Variants in CD38 observed in about 807,000 individuals in gnomAD.
The protein encoded by CD38 is CD38 molecule.
CD38 carries 31 observed loss-of-function variants against 36.3 expected under a neutral mutation model. That is an observed-to-expected ratio of 0.85 (90% CI 0.64 to 1.15). CD38 has a LOEUF of 1.15. CD38 is among the 50% of genes most tolerant of loss of function. The probability of loss-of-function intolerance (pLI) is 0.00; values close to 1 mark genes in which losing one functional copy is unlikely to be tolerated. For missense variants in CD38, 380 were observed against 371.9 expected, an observed-to-expected ratio of 1.02 and a Z score of -0.18; for synonymous variants, 131 against 135.2, an observed-to-expected ratio of 0.97 and a Z score of 0.22.
intron 1 of CD38, among the ~76,000 whole-genome samples, chr4:15,786,992 A>G (rs1042143306): frequency 3.3e-5 from 5 of 152,176 alleles, no homozygotes; most frequent in Non-Finnish European, 5.9e-5. Context: ...TAAGCCCTTC[A>G]CTGTCCGGGG....
intron 3 of CD38, among the ~76,000 whole-genome samples, chr4:15,827,713 ATG>A (rs1321660287): frequency 6.6e-6 from 1 of 152,072 alleles, no homozygotes; most frequent in Non-Finnish European, 1.5e-5. Context: ...AGTAGAGAAA[ATG>A]AAATAATTTA....
At chr4:15,808,197 C>A (rs1423673937) in intron 1 of CD38, among the ~76,000 whole-genome samples, 1 of 152,180 alleles carries the variant, frequency 6.6e-6, no homozygotes, top group Non-Finnish European at 1.5e-5. Flanking sequence ...GGGGAGAAAG[C>A]TCTATTGGAA....
chr4:15,838,290 G>T, intron 5 of CD38, 125 bp downstream of exon 5: 1 of 757,666 alleles, frequency 1.3e-6, no homozygotes. Context: ...GGCCAAAAAA[G>T]GTAAAAATTT....
At chr4:15,796,889 G>C (rs779961783) in intron 1 of CD38, among the ~76,000 whole-genome samples, 1 of 151,982 alleles carries the variant, frequency 6.6e-6, no homozygotes, top group East Asian at 1.9e-4. Flanking sequence ...TGAACGTTTC[G>C]ATTGTTTTAA....
intron 1 of CD38, among the ~76,000 whole-genome samples, chr4:15,786,833 G>T (rs563417161): frequency 1.3e-5 from 2 of 152,176 alleles, no homozygotes; most frequent in African/African-American, 4.8e-5. Context: ...CAGGGAGGGT[G>T]GGGGGAGGCT....
intron 1 of CD38, among the ~76,000 whole-genome samples, chr4:15,790,141 CT>C (rs1560307073): frequency 4.6e-5 from 2 of 43,586 alleles, no homozygotes; most frequent in African/African-American, 9.9e-4. Context: ...CTCCCTCTCC[CT>C]CTCCCTCTCC....
At chr4:15,839,914 A>C (rs1487265563) in intron 5 of CD38, 112 bp from the exon 6 acceptor site, 1 of 733,938 alleles carries the variant, frequency 1.4e-6, no homozygotes, top group Non-Finnish European at 2.5e-6. Context: ...TGATGTGTCA[A>C]CTCTAAAGGA....
At chr4:15,830,618 T>A (rs1723940741) in intron 3 of CD38, among the ~76,000 whole-genome samples, 1 of 152,196 alleles carries the variant, frequency 6.6e-6, no homozygotes, top group Admixed American at 6.5e-5. Flanking sequence ...TTGTTCATTT[T>A]GCTTTCGTTG....
At chr4:15,841,524 A>C (rs1560321444) in intron 7 of CD38, among the ~76,000 whole-genome samples, 1 of 152,358 alleles carries the variant, frequency 6.6e-6, no homozygotes, top group South Asian at 2.1e-4. Flanking sequence ...TGAATGAAGG[A>C]GCAACTGTAA....
chr4:15,781,286 C>T (rs1722690341), intron 1 of CD38, among the ~76,000 whole-genome samples: 1 of 152,182 alleles, frequency 6.6e-6, no homozygotes, highest in East Asian at 1.9e-4. Context: ...CTAACAATTT[C>T]CCCCAAGTCC....
Position 15,848,760 on chromosome 4 carries a change from A to G in CD38, c.*158A>G, listed in dbSNP as rs534391171. On this transcript the variant is annotated 3_prime_UTR_variant, in exon 8 of 8. Transcript: ENST00000226279. ...AAGCCTTTTTCCCCAAAGTCTTAAA[A>G]TAACTTATATCATCAGCATACCTTT... The G allele has an allele frequency of 1.8e-6, 1 of 545,236 alleles. No individual in the cohort carries two copies. The highest frequency in any genetic ancestry group is 2.8e-5 in the South Asian group (1 of 35,650). 33.8% of individuals were successfully genotyped at this position (545,236 alleles called of 1,614,324 possible).
intron 7 of CD38, 92 bp from the exon 8 acceptor site, chr4:15,848,447 C>G (rs1356234717): frequency 1.2e-6 from 1 of 844,156 alleles, no homozygotes; most frequent in Non-Finnish European, 2.0e-6. Flanking sequence ...TGCACCTTGT[C>G]GTCGCTAAAA....
intron 7 of CD38, among the ~76,000 whole-genome samples, chr4:15,847,028 A>C (rs1724267879): frequency 6.2e-5 from 1 of 16,030 alleles, no homozygotes; most frequent in African/African-American, 6.8e-4. Flanking sequence ...AGAACTAGAA[A>C]TACCATTTGA....
At chr4:15,803,432 C>T (rs1287265220) in intron 1 of CD38, among the ~76,000 whole-genome samples, 1 of 151,976 alleles carries the variant, frequency 6.6e-6, no homozygotes, top group Admixed American at 6.6e-5. Context: ...CAGCAAAAAG[C>T]CAAATAATCT....
Position 15,816,504 on chromosome 4 carries a change from A to G in CD38, c.234-7A>G. The G allele has an allele frequency of 6.3e-7, 1 of 1,587,078 alleles. No homozygotes were observed. Among genetic ancestry groups the G allele is most frequent in the African/African-American group, 1.4e-5 (1 of 74,036 alleles). On this transcript the variant is annotated splice_region_variant and splice_polypyrimidine_tract_variant and intron_variant, in intron 1 of 7. Transcript: ENST00000226279. ...ATTTATGTTTTATTTTCTGTGTTTT[A>G]TCTCAGACATGTAGACTGCCAAAGT... is the stretch of plus-strand genomic sequence containing the variant.
chr4:15,833,528 G>A (rs767852330), intron 3 of CD38, among the ~76,000 whole-genome samples: 121 of 152,052 alleles, frequency 8.0e-4, no homozygotes, highest in Non-Finnish European at 1.3e-3. Flanking sequence ...TTATTTGTGT[G>A]GTTTTGGTTT....
At chr4:15,790,865 G>A (rs1337948851) in intron 1 of CD38, among the ~76,000 whole-genome samples, 3 of 148,498 alleles carry the variant, frequency 2.0e-5, no homozygotes, top group Non-Finnish European at 4.5e-5. Flanking sequence ...CTGCTGGGCC[G>A]CAACCCTGTC....
rs915567474 is a variant in CD38, at chr4:15,851,677, G to C, written c.*3075G>C. Reference sequence around the variant, plus strand: ...TACACCCACACACACACACGTGCCTGTATACAGTCATATGATACATACACA... The same window carrying C: ...TACACCCACACACACACACGTGCCTCTATACAGTCATATGATACATACACA... On this transcript the variant is annotated 3_prime_UTR_variant, in exon 8 of 8. Coordinates refer to ENST00000226279, the MANE Select transcript of CD38 (RefSeq NM_001775.4). 4.6e-5 allele frequency: 7 copies of C among 152,144 alleles called. No individual in the cohort carries two copies. Among genetic ancestry groups the C allele is most frequent in the Admixed American group, 4.6e-4 (7 of 15,278 alleles). 9.4% of individuals were successfully genotyped at this position (152,144 alleles called of 1,614,324 possible). A position where few individuals can be genotyped will look rare whatever the true frequency, so the allele number is the denominator to read the frequency against.
intron 1 of CD38, among the ~76,000 whole-genome samples, chr4:15,808,221 C>G (rs1723384482): frequency 6.6e-6 from 1 of 152,156 alleles, no homozygotes; most frequent in Admixed American, 6.5e-5. Context: ...GTCTGTAGTC[C>G]TAGCCTCCCT....
Sources: gnomAD v4.1 joint callset for allele counts (sites outside exome capture counted in the v4.1 genomes callset) on GRCh38, gnomAD v4.1.1 for gene constraint, MANE v1.5 for transcripts, NCBI Gene and HGNC (gene_info 2026-07-23, HGNC 2026-07-21) for gene names.